The following SEMA5A variants were observed in gnomAD, a reference collection of about 807,000 sequenced individuals.
SEMA5A encodes semaphorin-5A.
In SEMA5A, 55 loss-of-function variants were observed where a neutral mutation model predicts 135.5. The ratio of observed to expected loss-of-function variants is 0.41; its 90% CI spans 0.33 to 0.51. The LOEUF is 0.51. Ranked by LOEUF, SEMA5A falls within the 20% of genes least tolerant of loss-of-function variation. The pLI, the probability that SEMA5A is intolerant of heterozygous loss-of-function variation, is 0.37. For missense variants in SEMA5A, 1,290 were observed against 1,419.9 expected (o/e 0.91, Z 1.47); for synonymous variants, 580 against 546.5 (o/e 1.06, Z -0.85).
At chr5:9,076,314 A>G (rs1188647547) in intron 16 of SEMA5A, among the ~76,000 whole-genome samples, 1 of 152,146 alleles carries the variant, frequency 6.6e-6, no homozygotes, top group African/African-American at 2.4e-5. Context: ...CCAAAACACA[A>G]ATATCACATG....
At chr5:9,137,840 T>C (rs1448938396) in intron 12 of SEMA5A, among the ~76,000 whole-genome samples, 1 of 152,206 alleles carries the variant, frequency 6.6e-6, no homozygotes, top group African/African-American at 2.4e-5. Flanking sequence ...TAATCATATA[T>C]AAAGCAGTTT....
At chr5:9,197,094 T>C in intron 10 of SEMA5A, 74 bp downstream of exon 10, 1 of 1,590,420 alleles carries the variant, frequency 6.3e-7, no homozygotes. Flanking sequence ...TAAATTACCC[T>C]TGCCTGTCTA....
intron 5 of SEMA5A, among the ~76,000 whole-genome samples, chr5:9,286,157 T>A (rs1750785964): frequency 6.6e-6 from 1 of 152,154 alleles, no homozygotes; most frequent in Admixed American, 6.5e-5. Flanking sequence ...CCATATTGAC[T>A]AAATATACTT....
intron 12 of SEMA5A, among the ~76,000 whole-genome samples, chr5:9,152,081 G>T (rs1324404495): frequency 6.6e-6 from 1 of 152,200 alleles, no homozygotes; most frequent in East Asian, 1.9e-4. Context: ...TGTACAAGAG[G>T]CTGAGCGATT....
chr5:9,226,972 G>A lies in SEMA5A; in HGVS notation c.334-5C>T, dbSNP rs1209441855. The stretch of plus-strand genomic sequence containing the variant: ...GATGTAGTTCTGACATTCCTCCTGA[G>A]GGAAAATAAATAAATTAATTAAAAA... On this transcript the variant is annotated splice_polypyrimidine_tract_variant and splice_region_variant and intron_variant, in intron 6 of 22. Transcript: ENST00000382496. 61 of 1,467,584 alleles carry A rather than the reference G, an allele frequency of 4.2e-5. No individual in the cohort carries two copies. The highest frequency in any genetic ancestry group is 5.5e-5 in the Non-Finnish European group (61 of 1,101,382). The allele number at this position is 1,467,584 out of a possible 1,614,324, so 90.9% of individuals were successfully genotyped here.
At chr5:9,340,014 AG>A (rs1198349166) in intron 3 of SEMA5A, among the ~76,000 whole-genome samples, 1 of 152,234 alleles carries the variant, frequency 6.6e-6, no homozygotes. Flanking sequence ...TAAATGAAGA[AG>A]AAAACAGTGA....
At chr5:9,340,516 A>C (rs1309067735) in intron 3 of SEMA5A, among the ~76,000 whole-genome samples, 2 of 152,232 alleles carry the variant, frequency 1.3e-5, no homozygotes, top group African/African-American at 4.8e-5. Flanking sequence ...AAAGAGACAT[A>C]CATCAGGTTT....
intron 1 of SEMA5A, among the ~76,000 whole-genome samples, chr5:9,532,681 A>C (rs1737522851): frequency 6.6e-6 from 1 of 152,164 alleles, no homozygotes; most frequent in Non-Finnish European, 1.5e-5. Flanking sequence ...CTCTCCGATG[A>C]TTGGGGACGA....
intron 16 of SEMA5A, 90 bp from the exon 17 acceptor site, chr5:9,066,736 C>A: frequency 9.3e-7 from 1 of 1,076,150 alleles, no homozygotes; most frequent in Non-Finnish European, 1.4e-6. Flanking sequence ...AGATAAGGGT[C>A]TCTAAAACAC....
At chr5:9,283,142 T>A (rs78936968) in intron 5 of SEMA5A, among the ~76,000 whole-genome samples, 3,189 of 152,266 alleles carry the variant, frequency 0.021, 84 homozygotes, top group East Asian at 0.065. Context: ...TCGTTTTAGT[T>A]TCCTTTTGCT....
intron 11 of SEMA5A, among the ~76,000 whole-genome samples, chr5:9,162,564 G>GTGTGTATATA (rs1331354641): frequency 1.5e-4 from 13 of 84,054 alleles, no homozygotes; most frequent in African/African-American, 5.1e-4. Context: ...GTGTGTGTGT[G>GTGTGTATATA]TATATATATA....
intron 6 of SEMA5A, among the ~76,000 whole-genome samples, chr5:9,235,729 G>A (rs1002176738): frequency 6.7e-6 from 1 of 150,152 alleles, no homozygotes; most frequent in Non-Finnish European, 1.5e-5. Flanking sequence ...GCTTATTGAT[G>A]TGTCCATGAG....
intron 18 of SEMA5A, among the ~76,000 whole-genome samples, chr5:9,062,669 T>C (rs996159162): frequency 6.6e-6 from 1 of 152,164 alleles, no homozygotes; most frequent in African/African-American, 2.4e-5. Flanking sequence ...TCTGGCTATA[T>C]TGCCCAGCCT....
intron 3 of SEMA5A, among the ~76,000 whole-genome samples, chr5:9,347,095 A>G (rs761286638): frequency 1.3e-5 from 2 of 152,214 alleles, no homozygotes; most frequent in Non-Finnish European, 2.9e-5. Flanking sequence ...AAATTAAAAC[A>G]TTTCGTATCA....
intron 15 of SEMA5A, among the ~76,000 whole-genome samples, chr5:9,117,531 T>C (rs147932489): frequency 7.9e-5 from 12 of 152,368 alleles, no homozygotes; most frequent in Non-Finnish European, 1.6e-4. Context: ...AAATATACCA[T>C]ATACACAAAG....
rs1021281493 is a variant in SEMA5A at position 9,035,735 on chromosome 5, G to C, written c.*7162C>G. The stretch of plus-strand genomic sequence containing the variant: ...AATGTAAGGATTGAAAGAAAGTGTG[G>C]TGTGTCCATGGCCCCCTTACAAAGG... On this transcript the variant is annotated 3_prime_UTR_variant, in exon 23 of 23. Coordinates refer to ENST00000382496, the MANE Select transcript of SEMA5A (RefSeq NM_003966.3). The C allele has an allele frequency of 1.3e-5, 2 of 152,192 alleles. No individual in the cohort carries two copies. Among genetic ancestry groups the C allele is most frequent in the East Asian group, 1.9e-4 (1 of 5,172 alleles). 9.4% of individuals were successfully genotyped at this position (152,192 alleles called of 1,614,324 possible). A position where few individuals can be genotyped will look rare whatever the true frequency, so the allele number is the denominator to read the frequency against.
intron 19 of SEMA5A, 62 bp from the exon 20 acceptor site, chr5:9,052,090 T>A: frequency 6.9e-7 from 1 of 1,456,626 alleles, no homozygotes; most frequent in Non-Finnish European, 9.1e-7. Context: ...CATCCTAGAC[T>A]CACTGGCAAG....
chr5:9,108,035 TTTA>T, intron 16 of SEMA5A, 102 bp downstream of exon 16: 1 of 1,394,676 alleles, frequency 7.2e-7, no homozygotes, highest in East Asian at 2.5e-5. Context: ...GTGCAGAACA[TTTA>T]TTGTTTGCAG....
chr5:9,237,301 C>A lies in SEMA5A; in HGVS notation c.333+527G>T, dbSNP rs146774419. Among the ~76,000 whole-genome samples the A allele has an allele frequency of 2.4e-3, 360 of 152,294 alleles. 4 individuals carry two copies. Among genetic ancestry groups the A allele is most frequent in the African/African-American group, 8.4e-3 (350 of 41,570 alleles). ...ATTTGAAAGAAGCCTGCAACATGTA[C>A]AATTGCTCAAGAAACACATTTCCAA... On this transcript the variant is annotated intron_variant, in intron 6 of 22. Coordinates refer to ENST00000382496, the MANE Select transcript of SEMA5A (RefSeq NM_003966.3).
Sources: allele counts gnomAD v4.1 joint callset (sites outside exome capture counted in the v4.1 genomes callset), GRCh38; gene constraint gnomAD v4.1.1; transcripts MANE v1.5; gene names NCBI Gene and HGNC (gene_info 2026-07-23, HGNC 2026-07-21).